The following IREB2 variants were observed in gnomAD, a reference collection of about 807,000 sequenced individuals.
The protein encoded by IREB2 is iron-responsive element-binding protein 2.
A neutral mutation model predicts 118.8 loss-of-function variants in IREB2; 39 were observed. The observed-to-expected ratio is 0.33, with a 90% confidence interval of 0.25 to 0.43. The LOEUF is 0.43. IREB2 is among the 20% of genes least tolerant of loss of function. The pLI, the probability that IREB2 is intolerant of heterozygous loss-of-function variation, is 1.00. For missense variants in IREB2, 900 were observed against 1,147.3 expected, an observed-to-expected ratio of 0.78 and a Z score of 3.11; for synonymous variants, 372 against 392.2, an observed-to-expected ratio of 0.95 and a Z score of 0.61.
intron 11 of IREB2, among the ~76,000 whole-genome samples, chr15:78,483,670 A>G (rs1480946579): frequency 6.6e-6 from 1 of 152,194 alleles, no homozygotes; most frequent in Non-Finnish European, 1.5e-5. Flanking sequence ...AAAATTATAT[A>G]CAATTTAAAA....
chr15:78,470,541 A>G lies in IREB2; in HGVS notation c.639A>G (p.Thr213=), dbSNP rs746900367. Residue 213 remains threonine (T), a synonymous_variant, in exon 6 of 22, where the codon ACA becomes ACG. Coordinates refer to ENST00000258886, the MANE Select transcript of IREB2 (RefSeq NM_004136.4). ...CTCTTCTTCCTTTTAGACCTGAAAC[A>G]GTGTTAAAAAATCAAGAAGTAGAAT... ...FHLQPVPEPE[T]VLKNQEVEFG... 6 of 1,593,366 alleles carry G rather than the reference A, an allele frequency of 3.8e-6. No individual in the cohort carries two copies. The highest frequency in any genetic ancestry group is 2.2e-5 in the East Asian group (1 of 44,618).
At chr15:78,455,605 A>G (rs963454069) in intron 2 of IREB2, among the ~76,000 whole-genome samples, 1 of 151,962 alleles carries the variant, frequency 6.6e-6, no homozygotes, top group African/African-American at 2.4e-5. Flanking sequence ...ACCAGAGCAT[A>G]TGTCCATTTT....
chr15:78,496,597 AT>A (rs1164549142), intron 20 of IREB2, among the ~76,000 whole-genome samples: 2 of 150,286 alleles, frequency 1.3e-5, no homozygotes, highest in African/African-American at 2.5e-5. Context: ...TGTATTTTTT[AT>A]TTTTATGTTT....
In IREB2 at chr15:78,498,065, T is replaced by C; in HGVS notation, c.2814T>C (p.Ala938=). Residue 938 remains alanine, a synonymous_variant, in exon 22 of 22, where the codon GCT becomes GCC. Transcript: ENST00000258886. ...TSTGKVFSVI[A]SFEDDVEITL... is the part of the protein sequence containing the mutation. The stretch of plus-strand genomic sequence containing the variant: ...CTGGAAAAGTATTCAGCGTGATTGC[T>C]TCGTTTGAAGATGATGTGGAAATAA... The C allele has an allele frequency of 6.2e-7, 1 of 1,613,406 alleles. No homozygotes were observed. Among genetic ancestry groups the C allele is most frequent in the Non-Finnish European group, 8.5e-7 (1 of 1,179,380 alleles).
At chr15:78,486,670 T>C (rs1392387522) in intron 13 of IREB2, among the ~76,000 whole-genome samples, 1 of 152,002 alleles carries the variant, frequency 6.6e-6, no homozygotes, top group Admixed American at 6.5e-5. Context: ...GCTAGTTGTG[T>C]GGGGATTTTT....
chr15:78,465,494 C>G, intron 4 of IREB2, 106 bp downstream of exon 4: 2 of 1,092,914 alleles, frequency 1.8e-6, no homozygotes, highest in Non-Finnish European at 2.6e-6. Flanking sequence ...GAAAAGTATG[C>G]TAAATTTAGT....
chr15:78,446,219 A>G (rs759459977), intron 2 of IREB2, among the ~76,000 whole-genome samples: 12 of 152,214 alleles, frequency 7.9e-5, no homozygotes, highest in African/African-American at 9.7e-5. Flanking sequence ...TGGGTAAGCA[A>G]TGTAACAGTT....
intron 2 of IREB2, among the ~76,000 whole-genome samples, chr15:78,461,365 G>A (rs535724029): frequency 8.5e-5 from 13 of 152,218 alleles, no homozygotes; most frequent in Middle Eastern, 3.4e-3. Context: ...CACTAGTAAA[G>A]AGCCTTACCC....
At chr15:78,497,933 G>A in intron 21 of IREB2, 100 bp from the exon 22 acceptor site, 2 of 639,176 alleles carry the variant, frequency 3.1e-6, no homozygotes, top group East Asian at 2.9e-5. Context: ...CAGAATCTGT[G>A]GCAAGTATAG....
chr15:78,450,088 AATTTATTGAGCTAAT>A (rs2050998063), intron 2 of IREB2, among the ~76,000 whole-genome samples: 3 of 152,154 alleles, frequency 2.0e-5, no homozygotes, highest in Non-Finnish European at 4.4e-5. Context: ...AATATGATTT[AATTTATTGAGCTAAT>A]ATTTATTGAG....
chr15:78,464,578 A>G (rs1388205376), intron 3 of IREB2, among the ~76,000 whole-genome samples: 2 of 152,198 alleles, frequency 1.3e-5, no homozygotes, highest in Non-Finnish European at 2.9e-5. Flanking sequence ...CAAACTTAAC[A>G]TGTTGAAAAC....
At chr15:78,470,462 G>T in intron 5 of IREB2, 70 bp from the exon 6 acceptor site, 3 of 920,282 alleles carry the variant, frequency 3.3e-6, no homozygotes, top group South Asian at 3.7e-5. Flanking sequence ...TAAGAACGAT[G>T]ACTTAGAAAG....
chr15:78,470,192 A>G (rs2051352039), intron 5 of IREB2, among the ~76,000 whole-genome samples: 1 of 152,206 alleles, frequency 6.6e-6, no homozygotes, highest in African/African-American at 2.4e-5. Flanking sequence ...AGGAAAGTAC[A>G]TGCTTGTCGT....
At chr15:78,488,857 A>T in intron 16 of IREB2, 86 bp downstream of exon 16, 1 of 751,724 alleles carries the variant, frequency 1.3e-6, no homozygotes, top group Non-Finnish European at 2.0e-6. Flanking sequence ...AATAAAAATT[A>T]AAATTACATT....
Position 78,497,262 on chromosome 15 carries a change from C to CT in IREB2, c.2735dup (p.Leu912PhefsTer5). ...GGCCTCTCCGGTAGAGAAACATTTT[C>CT]TTTAACATTTCCTGAAGAACTGTCT... On this transcript the variant is annotated frameshift_variant, in exon 21 of 22. Coordinates refer to ENST00000258886, the MANE Select transcript of IREB2 (RefSeq NM_004136.4). LOFTEE classifies it high-confidence loss of function. 6.2e-7 allele frequency: 1 copy of CT among 1,613,932 alleles called. No homozygotes were observed. The highest frequency in any genetic ancestry group is 8.5e-7 in the Non-Finnish European group (1 of 1,179,832).
intron 2 of IREB2, among the ~76,000 whole-genome samples, chr15:78,459,109 C>T (rs142323841): frequency 5.3e-5 from 8 of 151,898 alleles, no homozygotes; most frequent in Admixed American, 1.3e-4. Flanking sequence ...ATATTCTTAA[C>T]GGGAAAAAAA....
intron 2 of IREB2, among the ~76,000 whole-genome samples, chr15:78,445,984 T>C (rs866507832): frequency 1.3e-5 from 2 of 152,126 alleles, no homozygotes; most frequent in African/African-American, 2.4e-5. Flanking sequence ...AGGGTCTCCC[T>C]ACATTGCCTA....
chr15:78,497,018 G>A, intron 20 of IREB2, 108 bp from the exon 21 acceptor site: 1 of 721,958 alleles, frequency 1.4e-6, no homozygotes, highest in Admixed American at 2.5e-5. Flanking sequence ...TGAGATATTA[G>A]ACTAAAAGTA....
upstream of IREB2, chr15:78,438,207 T>G: frequency 1.4e-6 from 1 of 716,354 alleles, no homozygotes; most frequent in Non-Finnish European, 2.5e-6. Flanking sequence ...GCTCTCGCGA[T>G]ATTTGCGCGA....
Sources: gnomAD v4.1 joint callset for allele counts (sites outside exome capture counted in the v4.1 genomes callset) on GRCh38, gnomAD v4.1.1 for gene constraint, MANE v1.5 for transcripts, NCBI Gene and HGNC (gene_info 2026-07-23, HGNC 2026-07-21) for gene names.